GALNTL6: variants seen among roughly 807,000 people sequenced by gnomAD.
GALNTL6 encodes polypeptide N-acetylgalactosaminyltransferase-like 6.
A neutral mutation model predicts 73.7 loss-of-function variants in GALNTL6; 46 were observed. The observed-to-expected ratio is 0.62, with a 90% CI of 0.49 to 0.80. The LOEUF (loss-of-function observed/expected upper bound fraction) is 0.80. Among genes scored for constraint, GALNTL6 ranks in the 30% least tolerant of loss-of-function variants. GALNTL6 has a pLI of 0.00. For missense variants in GALNTL6, 604 were observed against 755.0 expected, an observed-to-expected ratio of 0.80 and a Z score of 2.34; for synonymous variants, 259 against 263.7, an observed-to-expected ratio of 0.98 and a Z score of 0.17.
At chr4:172,922,146 C>T (rs901561225) in intron 8 of GALNTL6, among the ~76,000 whole-genome samples, 1 of 152,088 alleles carries the variant, frequency 6.6e-6, no homozygotes, top group Non-Finnish European at 1.5e-5. Context: ...TCATTTTTCT[C>T]TTGCCACCAC....
In GALNTL6 at chr4:172,112,047, T is replaced by C. The variant is rs184297944; in HGVS notation, c.139-117609T>C. Among the ~76,000 whole-genome samples, 315 of 152,182 alleles carry C rather than the reference T, an allele frequency of 2.1e-3. 3 individuals carry two copies. The highest frequency in any genetic ancestry group is 0.019 in the Admixed American group (294 of 15,252). ...GAGACTAATTTCACTGTCCTAAAAA[T>C]CTTTGCCATCCATTCATCCTCCCTG... On this transcript the variant is annotated intron_variant, in intron 2 of 12. Coordinates refer to ENST00000506823, the MANE Select transcript of GALNTL6 (RefSeq NM_001034845.3).
intron 12 of GALNTL6, among the ~76,000 whole-genome samples, chr4:173,022,989 C>A (rs1396045655): frequency 2.0e-5 from 3 of 152,188 alleles, no homozygotes; most frequent in African/African-American, 7.2e-5. Context: ...CTGCTGGGGC[C>A]TTCTCAGCCA....
intron 5 of GALNTL6, among the ~76,000 whole-genome samples, chr4:172,752,045 T>G (rs1447319879): frequency 1.2e-5 from 1 of 83,070 alleles, no homozygotes; most frequent in Non-Finnish European, 2.7e-5. Flanking sequence ...CAACTTAAAC[T>G]TAAAAAAAAA....
intron 4 of GALNTL6, among the ~76,000 whole-genome samples, chr4:172,324,499 C>G (rs1006527627): frequency 6.6e-6 from 1 of 151,290 alleles, no homozygotes; most frequent in Non-Finnish European, 1.5e-5. Context: ...TAATAGTTCT[C>G]TTAGTAATTG....
intron 4 of GALNTL6, among the ~76,000 whole-genome samples, chr4:172,334,738 C>T (rs888702940): frequency 6.6e-6 from 1 of 152,056 alleles, no homozygotes; most frequent in Admixed American, 6.6e-5. Context: ...CCTGATTGCT[C>T]AGGATAGGAC....
chr4:172,581,488 C>T (rs969592612), intron 5 of GALNTL6, among the ~76,000 whole-genome samples: 4 of 152,212 alleles, frequency 2.6e-5, no homozygotes, highest in Non-Finnish European at 4.4e-5. Context: ...CAGGACTCCA[C>T]AAAAGGCCTT....
At chr4:171,843,368 T>C (rs114125685) in intron 2 of GALNTL6, among the ~76,000 whole-genome samples, 48 of 152,228 alleles carry the variant, frequency 3.2e-4, no homozygotes, top group African/African-American at 9.6e-4. Flanking sequence ...CTTCTTGCAA[T>C]ACTCTGTTAT....
At chr4:172,633,025 G>A (rs914400148) in intron 5 of GALNTL6, among the ~76,000 whole-genome samples, 1 of 152,220 alleles carries the variant, frequency 6.6e-6, no homozygotes, top group Non-Finnish European at 1.5e-5. Flanking sequence ...CATAGGATGC[G>A]TGGAAATGCC....
intron 2 of GALNTL6, among the ~76,000 whole-genome samples, chr4:172,106,417 C>G (rs1469333708): frequency 6.6e-6 from 1 of 152,056 alleles, no homozygotes; most frequent in African/African-American, 2.4e-5. Context: ...ATTTCTGAAA[C>G]TCTTTAATCT....
At position 172,370,182 on chromosome 4, in the gene GALNTL6, A is replaced by G. The variant is rs185405894; in HGVS notation, c.553+21493A>G. 1.4e-3 allele frequency among the ~76,000 whole-genome samples: 215 copies of G among 152,260 alleles called. 1 individual carries two copies. Among genetic ancestry groups the G allele is most frequent in the African/African-American group, 5.0e-3 (206 of 41,552 alleles). On this transcript the variant is annotated intron_variant, in intron 5 of 12. Coordinates refer to ENST00000506823, the MANE Select transcript of GALNTL6 (RefSeq NM_001034845.3). ...GGCCAGTGGAAGGGCCAGTGGGTCA[A>G]TCCTGAGGTCCTCAATAGAAGTTGT... is the stretch of plus-strand genomic sequence containing the variant.
chr4:171,989,096 T>C (rs1299094364), intron 2 of GALNTL6, among the ~76,000 whole-genome samples: 1 of 151,936 alleles, frequency 6.6e-6, no homozygotes, highest in African/African-American at 2.4e-5. Flanking sequence ...TTTTAAGAGG[T>C]TTAGAAGCCT....
intron 2 of GALNTL6, among the ~76,000 whole-genome samples, chr4:172,002,332 C>A (rs74287623): frequency 6.6e-6 from 1 of 152,006 alleles, no homozygotes; most frequent in Non-Finnish European, 1.5e-5. Flanking sequence ...ATAAAAGAGG[C>A]CTCTGAGAGA....
intron 2 of GALNTL6, among the ~76,000 whole-genome samples, chr4:171,905,321 C>CTTTTT (rs1340333010): frequency 0.013 from 2,027 of 151,900 alleles, 46 homozygotes; most frequent in African/African-American, 0.046. Context: ...AAATGGAAAA[C>CTTTTT]TAAAAAAGGC....
At position 172,506,250 on chromosome 4, in the gene GALNTL6, A is replaced by G. The variant is rs191377629; in HGVS notation, c.553+157561A>G. On this transcript the variant is annotated intron_variant, in intron 5 of 12. Transcript: ENST00000506823. ...AATGTCTCCATGAAGAGCTGTCTCA[A>G]CAAAGAATGCAGTTTCCACATCCTG... Among the ~76,000 whole-genome samples, 160 of 54,412 alleles carry G rather than the reference A, an allele frequency of 2.9e-3. 68 individuals carry two copies. The highest frequency in any genetic ancestry group is 4.6e-3 in the Non-Finnish European group (109 of 23,678). 35.7% of individuals were successfully genotyped at this position (54,412 alleles called of 152,430 possible).
chr4:172,043,187 A>G (rs1253622068), intron 2 of GALNTL6, among the ~76,000 whole-genome samples: 1 of 152,034 alleles, frequency 6.6e-6, no homozygotes, highest in Non-Finnish European at 1.5e-5. Flanking sequence ...TTTCTTCCTC[A>G]GGAGAATGCT....
intron 5 of GALNTL6, among the ~76,000 whole-genome samples, chr4:172,364,687 A>G (rs1405218954): frequency 6.6e-6 from 1 of 152,206 alleles, no homozygotes; most frequent in African/African-American, 2.4e-5. Context: ...TGTCATTTAC[A>G]GAAGATTCAG....
chr4:172,976,698 C>T (rs1750826702), intron 10 of GALNTL6, among the ~76,000 whole-genome samples: 1 of 152,332 alleles, frequency 6.6e-6, no homozygotes, highest in East Asian at 1.9e-4. Flanking sequence ...AGACACCTGT[C>T]CACCTTTTCT....
intron 3 of GALNTL6, among the ~76,000 whole-genome samples, chr4:172,301,260 C>T (rs1026330928): frequency 1.3e-5 from 2 of 151,756 alleles, no homozygotes; most frequent in Non-Finnish European, 1.5e-5. Context: ...TTCTAGTTAG[C>T]TATTTGTCTA....
intron 2 of GALNTL6, among the ~76,000 whole-genome samples, chr4:171,948,328 G>A (rs1473750110): frequency 6.6e-6 from 1 of 152,102 alleles, no homozygotes; most frequent in African/African-American, 2.4e-5. Context: ...CTGACAATAT[G>A]GGAAAATTCC....
Sources: gnomAD v4.1 joint callset for allele counts (sites outside exome capture counted in the v4.1 genomes callset) on GRCh38, gnomAD v4.1.1 for gene constraint, MANE v1.5 for transcripts, NCBI Gene and HGNC (gene_info 2026-07-23, HGNC 2026-07-21) for gene names.